Variants in NOX5 observed in about 807,000 individuals in gnomAD.
NOX5 encodes NADPH oxidase, EF-hand calcium binding domain 5.
Under a neutral mutation model 85.7 loss-of-function variants are expected in NOX5, and 76 were observed. That is an observed-to-expected ratio of 0.89 (90% CI 0.74 to 1.07). NOX5 has a LOEUF of 1.07. Among genes scored for constraint, NOX5 ranks in the 50% least tolerant of loss-of-function variants. The pLI, the probability that NOX5 is intolerant of heterozygous loss-of-function variation, is 0.00. For synonymous variants in NOX5, 405 were observed against 401.4 expected (o/e 1.01, Z -0.11); for missense variants, 973 against 999.5 (o/e 0.97, Z 0.36).
rs992448160 is a variant in NOX5 at position 69,062,760 on chromosome 15, G to A, written c.*6064G>A. 1.3e-5 allele frequency: 2 copies of A among 152,232 alleles called. No individual in the cohort carries two copies. The highest frequency in any genetic ancestry group is 2.9e-5 in the Non-Finnish European group (2 of 68,074). The allele number at this position is 152,232 out of a possible 1,614,324, so 9.4% of individuals were successfully genotyped here. On this transcript the variant is annotated 3_prime_UTR_variant, in exon 16 of 16. Transcript: ENST00000388866. ...ACAGCCTGCTCCGTAGGATTGTACT[G>A]TACGTACCTACTTGTACCTACACAT...
At chr15:69,049,371 C>T (rs1188320619) in intron 14 of NOX5, among the ~76,000 whole-genome samples, 4 of 151,036 alleles carry the variant, frequency 2.6e-5, no homozygotes, top group South Asian at 4.2e-4. Flanking sequence ...TTTTTTTTCT[C>T]GTAGAGATGA....
At chr15:69,015,608 T>C (rs925454772) in intron 1 of NOX5, among the ~76,000 whole-genome samples, 5 of 152,136 alleles carry the variant, frequency 3.3e-5, no homozygotes, top group African/African-American at 1.2e-4. Flanking sequence ...AATGTGCAGA[T>C]TCCTGCCTCC....
Position 69,038,255 on chromosome 15 carries a change from T to G in NOX5, c.1372-602T>G, listed in dbSNP as rs1019413605. On this transcript the variant is annotated intron_variant, in intron 8 of 15. Transcript: ENST00000388866. ...CCTGGGAGGCTGAAGAATGAGGCTG[T>G]GCTCTGTGTCTAGGCTCTGGCATCC... is the stretch of plus-strand genomic sequence containing the variant. 3 of 158,874 alleles carry G rather than the reference T, an allele frequency of 1.9e-5. No homozygotes were observed. The Admixed American group carries it at 1.9e-4, about 10-fold the overall frequency. 9.8% of individuals were successfully genotyped at this position (158,874 alleles called of 1,614,324 possible).
At chr15:69,042,608 C>G in intron 9 of NOX5, 55 bp from the exon 10 acceptor site, 3 of 1,572,842 alleles carry the variant, frequency 1.9e-6, no homozygotes, top group Non-Finnish European at 2.6e-6. Context: ...GAGGCTTGCT[C>G]CCTGGTGCCG....
At chr15:69,033,709 T>TC (rs2050474222) in intron 5 of NOX5, among the ~76,000 whole-genome samples, 1 of 149,576 alleles carries the variant, frequency 6.7e-6, no homozygotes, top group Non-Finnish European at 1.5e-5. Flanking sequence ...TTCTTTTTTT[T>TC]TTTTTTTTGA....
At chr15:69,045,536 T>TTTCTTTCTTTCTTTCTTTCTTTC (rs2050653280) in intron 10 of NOX5, among the ~76,000 whole-genome samples, 28 of 94,560 alleles carry the variant, frequency 3.0e-4, no homozygotes, top group African/African-American at 1.3e-3. Flanking sequence ...TTCCTTTCTT[T>TTTCTTTCTTTCTTTCTTTCTTTC]TTTCTTTCTT....
chr15:69,031,290 A>G (rs933187998), intron 3 of NOX5: 7 of 556,722 alleles, frequency 1.3e-5, no homozygotes, highest in Non-Finnish European at 2.2e-5. Context: ...GAAGTTGAGT[A>G]GTACTTAGGG....
intron 2 of NOX5, 75 bp from the exon 3 acceptor site, chr15:69,028,139 AG>A: frequency 6.8e-7 from 1 of 1,477,308 alleles, no homozygotes; most frequent in Non-Finnish European, 9.1e-7. Context: ...CCCCAGACAC[AG>A]GGAGACAGTG....
intron 9 of NOX5, 52 bp from the exon 10 acceptor site, chr15:69,042,611 T>C (rs1161261135): frequency 6.3e-7 from 1 of 1,576,998 alleles, no homozygotes; most frequent in Non-Finnish European, 8.6e-7. Context: ...GCTTGCTCCC[T>C]GGTGCCGGTC....
chr15:69,026,226 T>C (rs567374158), intron 1 of NOX5, among the ~76,000 whole-genome samples: 6 of 152,358 alleles, frequency 3.9e-5, no homozygotes, highest in Admixed American at 3.3e-4. Context: ...AGTCGCAGCA[T>C]GCCACTCTCT....
intron 9 of NOX5, among the ~76,000 whole-genome samples, chr15:69,040,409 C>CTA (rs1300798257): frequency 5.7e-4 from 87 of 152,288 alleles, no homozygotes; most frequent in African/African-American, 1.9e-3. Context: ...CCAGCTCTCT[C>CTA]TCTCTATCTA....
intron 3 of NOX5, 129 bp from the exon 4 acceptor site, chr15:69,031,389 G>C: frequency 9.3e-7 from 1 of 1,072,946 alleles, no homozygotes; most frequent in Non-Finnish European, 1.3e-6. Flanking sequence ...TAGGCAGTCG[G>C]GAACATGGAA....
rs889204065 is a variant in NOX5 at position 69,057,021 on chromosome 15, C to T, written c.*325C>T. 4.7e-6 allele frequency: 1 copy of T among 210,938 alleles called. No individual in the cohort carries two copies. 13.1% of individuals were successfully genotyped at this position (210,938 alleles called of 1,614,324 possible). ...GGCAACCACTCCTCCAAACATTTTC[C>T]GACGGAGCCTTCCCCCACATCCATG... is the stretch of plus-strand genomic sequence containing the variant. On this transcript the variant is annotated 3_prime_UTR_variant, in exon 16 of 16. Transcript: ENST00000388866.
At chr15:69,054,396 G>T (rs577334397) in intron 14 of NOX5, among the ~76,000 whole-genome samples, 6 of 152,106 alleles carry the variant, frequency 3.9e-5, no homozygotes, top group Non-Finnish European at 7.4e-5. Context: ...GCTCTCTGAT[G>T]CCCTTCCTAA....
At position 69,060,822 on chromosome 15, in the gene NOX5, C is replaced by T. The variant is rs1234758474; in HGVS notation, c.*4126C>T. 1 of 152,136 alleles carries T rather than the reference C, an allele frequency of 6.6e-6. No homozygotes were observed. The highest frequency in any genetic ancestry group is 2.4e-5 in the African/African-American group (1 of 41,414). 9.4% of individuals were successfully genotyped at this position (152,136 alleles called of 1,614,324 possible). On this transcript the variant is annotated 3_prime_UTR_variant, in exon 16 of 16. Transcript: ENST00000388866. ...AATACACGGAAAGACAGTTAGAAGCCAGCCTTAATCTGTCTTGGGCCCAGA... is the reference window on the plus strand; with the variant it reads ...AATACACGGAAAGACAGTTAGAAGCTAGCCTTAATCTGTCTTGGGCCCAGA...
rs1422885746 is a variant in NOX5, at chr15:69,031,801, C to G, written c.609C>G (p.Asn203Lys). ...ELQRFPGVMENLTISAAHWLT... is the reference protein window; with the variant it reads ...ELQRFPGVMEKLTISAAHWLT... ...AGCGCTTCCCCGGAGTCATGGAGAA[C>G]CTGACCATCAGGTACGGCCGGGTCT... is the stretch of plus-strand genomic sequence containing the variant. The change falls in exon 4 of 16, where the codon AAC becomes AAG. Residue 203 changes from asparagine (N) to lysine (K), a missense_variant. By Grantham distance (94) the Asn-to-Lys change is moderately conservative (BLOSUM62 0). Transcript: ENST00000388866. The G allele has an allele frequency of 6.3e-7, 1 of 1,597,440 alleles. No individual in the cohort carries two copies. The highest frequency in any genetic ancestry group is 2.3e-5 in the East Asian group (1 of 44,422).
At chr15:69,054,567 T>G (rs768042032) in intron 14 of NOX5, among the ~76,000 whole-genome samples, 1 of 152,226 alleles carries the variant, frequency 6.6e-6, no homozygotes, top group Non-Finnish European at 1.5e-5. Context: ...GCACCACACC[T>G]TGCCCCGCAA....
chr15:69,033,161 G>A lies in NOX5; in HGVS notation c.739G>A (p.Gly247Ser), dbSNP rs750639686. The A allele has an allele frequency of 4.4e-6, 7 of 1,582,498 alleles. No individual in the cohort carries two copies. The South Asian group carries it at 6.8e-5, about 15-fold the overall frequency. ...GCTGTTCTGCCTGGCCACCTATGCA[G>A]GCCTCCACGTGCTGCTCTTCGGGCT... ...SQLFCLATYA[G>S]LHVLLFGLAA... Residue 247 changes from glycine (G) to serine (S), a missense_variant, in exon 5 of 16, where the codon GGC (glycine) becomes AGC (serine). Transcript: ENST00000388866.
chr15:69,036,105 TTA>T (rs1256715558), intron 7 of NOX5, among the ~76,000 whole-genome samples, 169 bp downstream of exon 7: 9 of 152,220 alleles, frequency 5.9e-5, no homozygotes, highest in Admixed American at 2.0e-4. Flanking sequence ...GGACTGTAGT[TTA>T]TGTCTGCCAA....
Sources: allele counts gnomAD v4.1 joint callset (sites outside exome capture counted in the v4.1 genomes callset), GRCh38; gene constraint gnomAD v4.1.1; transcripts MANE v1.5; gene names NCBI Gene and HGNC (gene_info 2026-07-23, HGNC 2026-07-21).